Variants in AKR1C4 observed in about 807,000 individuals in gnomAD.
AKR1C4 encodes the protein 3-alpha-HSD1.
A neutral mutation model predicts 41.0 loss-of-function variants in AKR1C4; 44 were observed. The ratio of observed to expected loss-of-function variants is 1.07; its 90% CI spans 0.84 to 1.38. The LOEUF (loss-of-function observed/expected upper bound fraction) is 1.38, where lower values mean the gene tolerates loss of function less well. AKR1C4 is among the 40% of genes most tolerant of loss of function. The pLI is 0.00. For missense variants in AKR1C4, 438 were observed against 387.9 expected, an observed-to-expected ratio of 1.13 and a Z score of -1.09; for synonymous variants, 165 against 137.7, an observed-to-expected ratio of 1.20 and a Z score of -1.39.
chr10:5,208,651 G>A (rs1832525087), intron 5 of AKR1C4, among the ~76,000 whole-genome samples: 1 of 151,416 alleles, frequency 6.6e-6, no homozygotes, highest in Non-Finnish European at 1.5e-5. Context: ...CAGTAACAGT[G>A]CAATTATTAT....
chr10:5,208,283 T>A (rs1204510289), intron 5 of AKR1C4, among the ~76,000 whole-genome samples: 1 of 151,604 alleles, frequency 6.6e-6, no homozygotes, highest in Non-Finnish European at 1.5e-5. Flanking sequence ...AGTCAATGAG[T>A]ACAGGTCTAC....
At chr10:5,199,884 T>A (rs1832370249) in intron 1 of AKR1C4, among the ~76,000 whole-genome samples, 1 of 152,182 alleles carries the variant, frequency 6.6e-6, no homozygotes, top group Admixed American at 6.5e-5. Context: ...CTAATTGAGC[T>A]GGTTAACACA....
chr10:5,213,251 C>G (rs1266421470), intron 7 of AKR1C4, 92 bp downstream of exon 7: 1 of 1,541,582 alleles, frequency 6.5e-7, no homozygotes, highest in Admixed American at 1.9e-5. Context: ...GGACTAAGTC[C>G]ACTTCCTGGG....
Position 5,204,726 on chromosome 10 carries a change from TAAC to T in AKR1C4, c.369+238_369+240del, listed in dbSNP as rs373296236. On this transcript the variant is annotated intron_variant, in intron 3 of 8. Transcript: ENST00000263126. ...CCTCTGATTCAAAAATTCAAGAAAATAACAACAGCCACCTTCAAGGCTCTGTCT... is the reference window on the plus strand; with the variant it reads ...CCTCTGATTCAAAAATTCAAGAAAATAACAGCCACCTTCAAGGCTCTGTCT... The T allele has an allele frequency of 2.2e-3, 1,406 of 641,400 alleles. 14 individuals carry two copies. Among genetic ancestry groups the T allele is most frequent in the African/African-American group, 0.02 (1,111 of 55,880 alleles). The allele number at this position is 641,400 out of a possible 1,614,324, so 39.7% of individuals were successfully genotyped here.
chr10:5,198,187 G>A (rs12247748), intron 1 of AKR1C4, among the ~76,000 whole-genome samples: 22,642 of 152,014 alleles, frequency 0.15, 1,896 homozygotes, highest in East Asian at 0.25. Context: ...CTCACAGGTC[G>A]CAGTTAATTT....
At chr10:5,203,779 A>T (rs1291667470) in intron 2 of AKR1C4, among the ~76,000 whole-genome samples, 3 of 152,132 alleles carry the variant, frequency 2.0e-5, no homozygotes, top group Non-Finnish European at 4.4e-5. Context: ...GGAACAAAAA[A>T]CTCAGACCAG....
chr10:5,216,747 G>T lies in AKR1C4; in HGVS notation c.883G>T (p.Val295Phe). Reference protein sequence around the residue: ...EFQLTSEDMKVLDGLNRNYRY... With the variant: ...EFQLTSEDMKFLDGLNRNYRY... ...CCAGTTGACATCAGAGGATATGAAAGTTCTAGATGGTCTAAACAGAAATTA... is the reference window on the plus strand; with the variant it reads ...CCAGTTGACATCAGAGGATATGAAATTTCTAGATGGTCTAAACAGAAATTA... Residue 295 changes from valine (V) to phenylalanine (F), a missense_variant, in exon 8 of 9, where the codon GTT becomes TTT. Val to Phe is a conservative substitution (Grantham distance 50, BLOSUM62 -1). Coordinates refer to ENST00000263126, the MANE Select transcript of AKR1C4 (RefSeq NM_001818.5). 2 of 1,612,486 alleles carry T rather than the reference G, an allele frequency of 1.2e-6. No individual in the cohort carries two copies. Among genetic ancestry groups the T allele is most frequent in the Non-Finnish European group, 1.7e-6 (2 of 1,179,084 alleles).
rs201898252 is a variant in AKR1C4 at position 5,205,816 on chromosome 10, T to C, written c.429T>C (p.Asp143=). The C allele has an allele frequency of 1.9e-6, 3 of 1,613,290 alleles. No homozygotes were observed. The highest frequency in any genetic ancestry group is 2.5e-6 in the Non-Finnish European group (3 of 1,179,480). The change falls in exon 4 of 9, where the codon GAT becomes GAC. Residue 143 remains aspartate (D), a synonymous_variant. Coordinates refer to ENST00000263126, the MANE Select transcript of AKR1C4 (RefSeq NM_001818.5). ...GAAAAGTAATATTCGACACAGTGGA[T>C]CTCTCTGCCACATGGGAGGTGAGTG... is the stretch of plus-strand genomic sequence containing the variant. ...ENGKVIFDTV[D]LSATWEVMEK...
intron 5 of AKR1C4, among the ~76,000 whole-genome samples, chr10:5,209,481 T>G (rs1832537379): frequency 6.6e-6 from 1 of 152,162 alleles, no homozygotes; most frequent in South Asian, 2.1e-4. Context: ...ACTCCTTCCC[T>G]TTAATTATTC....
chr10:5,209,466 G>T (rs533187268), intron 5 of AKR1C4, among the ~76,000 whole-genome samples: 2 of 151,980 alleles, frequency 1.3e-5, no homozygotes, highest in African/African-American at 2.4e-5. Context: ...TATGCCAAAA[G>T]CTTAACTCCT....
rs1554798539 is a variant in AKR1C4, at chr10:5,216,698, ACTT to A, written c.847-9_847-7del. ...TGCAATCTAAGAATAAACATTTTCT[ACTT>A]CTTTGGTAGGTTTTTGAATTCCAGT... On this transcript the variant is annotated splice_polypyrimidine_tract_variant and intron_variant, in intron 7 of 8. Coordinates refer to ENST00000263126, the MANE Select transcript of AKR1C4 (RefSeq NM_001818.5). 1.9e-6 allele frequency: 3 copies of A among 1,592,664 alleles called. 1 individual carries two copies. The South Asian group carries it at 3.4e-5, about 18-fold the overall frequency.
intron 5 of AKR1C4, among the ~76,000 whole-genome samples, chr10:5,207,979 T>A (rs1302478572): frequency 3.3e-5 from 5 of 151,830 alleles, no homozygotes; most frequent in Admixed American, 1.3e-4. Flanking sequence ...TACTATCATT[T>A]TGGGAAGTCA....
chr10:5,197,041 G>A (rs1444865887), intron 1 of AKR1C4, 90 bp downstream of exon 1: 1 of 1,253,312 alleles, frequency 8.0e-7, no homozygotes, highest in East Asian at 2.3e-5. Flanking sequence ...TTGTGTTTCT[G>A]TTACCCTGAG....
chr10:5,216,729 A>T lies in AKR1C4; in HGVS notation c.865A>T (p.Thr289Ser). The T allele has an allele frequency of 6.2e-7, 1 of 1,611,266 alleles. No homozygotes were observed. The highest frequency in any genetic ancestry group is 1.7e-5 in the Admixed American group (1 of 59,746). Residue 289 changes from threonine to serine, a missense_variant, in exon 8 of 9, where the codon ACA becomes TCA. Thr to Ser is a moderately conservative substitution (Grantham distance 58, BLOSUM62 1). Coordinates refer to ENST00000263126, the MANE Select transcript of AKR1C4 (RefSeq NM_001818.5). ...ENIQVFEFQLTSEDMKVLDGL... is the reference protein window; with the variant it reads ...ENIQVFEFQLSSEDMKVLDGL... ...TTGGTAGGTTTTTGAATTCCAGTTG[A>T]CATCAGAGGATATGAAAGTTCTAGA...
intron 8 of AKR1C4, 127 bp from the exon 9 acceptor site, chr10:5,218,589 CTA>C: frequency 1.6e-6 from 1 of 627,132 alleles, no homozygotes; most frequent in Non-Finnish European, 2.7e-6. Flanking sequence ...GAAAGACATT[CTA>C]CAAATAGTCC....
intron 2 of AKR1C4, 121 bp from the exon 3 acceptor site, chr10:5,204,256 G>T: frequency 1.4e-6 from 1 of 731,486 alleles, no homozygotes. Context: ...TAAAACAAAG[G>T]GAATTTTTGC....
intron 8 of AKR1C4, 135 bp from the exon 9 acceptor site, chr10:5,218,583 G>A (rs943036900): frequency 2.2e-5 from 12 of 550,756 alleles, no homozygotes; most frequent in Non-Finnish European, 2.5e-5. Flanking sequence ...GTTCATGAAA[G>A]ACATTCTACA....
intron 4 of AKR1C4, 41 bp from the exon 5 acceptor site, chr10:5,206,234 C>A: frequency 6.2e-7 from 1 of 1,613,146 alleles, no homozygotes; most frequent in East Asian, 2.2e-5. Flanking sequence ...TAATCTGCAG[C>A]CAACTGCACA....
chr10:5,211,680 C>CTA, intron 5 of AKR1C4, among the ~76,000 whole-genome samples: 1 of 152,368 alleles, frequency 6.6e-6, no homozygotes, highest in Non-Finnish European at 1.5e-5. Context: ...TACATATTAC[C>CTA]TAGTTCCAAT....
Sources: allele counts gnomAD v4.1 joint callset (sites outside exome capture counted in the v4.1 genomes callset), GRCh38; gene constraint gnomAD v4.1.1; transcripts MANE v1.5; gene names NCBI Gene and HGNC (gene_info 2026-07-23, HGNC 2026-07-21).